The following HADHB variants were observed in gnomAD, a reference collection of about 807,000 sequenced individuals.
The protein encoded by HADHB is trifunctional enzyme subunit beta, mitochondrial.
HADHB carries 50 observed loss-of-function variants against 61.9 expected under a neutral mutation model. That is an observed-to-expected ratio of 0.81 (90% CI 0.64 to 1.02). The LOEUF is 1.02. HADHB is among the 50% of genes least tolerant of loss of function. The pLI, the probability that HADHB is intolerant of heterozygous loss-of-function variation, is 0.00. For synonymous variants in HADHB, 191 were observed against 201.6 expected, an observed-to-expected ratio of 0.95 and a Z score of 0.45; for missense variants, 504 against 586.5, an observed-to-expected ratio of 0.86 and a Z score of 1.45.
chr2:26,269,792 A>G (rs548725514), intron 4 of HADHB, among the ~76,000 whole-genome samples, 161 bp from the exon 5 acceptor site: 2 of 152,328 alleles, frequency 1.3e-5, no homozygotes, highest in South Asian at 4.1e-4. Flanking sequence ...TAGCGAAGTC[A>G]CACTATTTCT....
chr2:26,270,063 T>C, intron 5 of HADHB, 66 bp downstream of exon 5: 1 of 1,014,858 alleles, frequency 9.9e-7, no homozygotes, highest in South Asian at 1.3e-5. Context: ...TTTTTACACA[T>C]AAAATAGCAA....
At chr2:26,273,525 A>ATATC (rs1343726972) in intron 5 of HADHB, 126 bp from the exon 6 acceptor site, 1 of 686,050 alleles carries the variant, frequency 1.5e-6, no homozygotes, top group Non-Finnish European at 2.7e-6. Context: ...ATTAAAGAAA[A>ATATC]GATACAGTCT....
intron 6 of HADHB, among the ~76,000 whole-genome samples, chr2:26,276,715 A>G (rs1292603417): frequency 6.6e-6 from 1 of 152,202 alleles, no homozygotes; most frequent in Non-Finnish European, 1.5e-5. Context: ...ACTGTCTTTA[A>G]TAGGTTCTTT....
Position 26,263,405 on chromosome 2 carries a change from G to A in HADHB, c.135G>A (p.Thr45=), listed in dbSNP as rs574464531. ...CTGTCCAGACCAAAACGAAGAAGAC[G>A]TTAGCCAAACCCAATATAAGGAATG... ...APAVQTKTKK[T]LAKPNIRNVV... The change falls in exon 4 of 16, where the codon ACG becomes ACA. Residue 45 remains threonine, a synonymous_variant. Transcript: ENST00000317799. 4.2e-4 allele frequency: 672 copies of A among 1,612,470 alleles called. 5 individuals carry two copies. The South Asian group carries it at 6.7e-3, about 16-fold the overall frequency.
At chr2:26,265,151 A>G (rs1672024413) in intron 4 of HADHB, among the ~76,000 whole-genome samples, 1 of 152,244 alleles carries the variant, frequency 6.6e-6, no homozygotes, top group Non-Finnish European at 1.5e-5. Context: ...AGGCTTTAGC[A>G]GCAGGAAGAA....
Position 26,280,012 on chromosome 2 carries a change from A to G in HADHB, c.830A>G (p.Lys277Arg), listed in dbSNP as rs57969630. The G allele has an allele frequency of 1.5e-3, 2,401 of 1,609,410 alleles. 17 individuals carry two copies. In the African/African-American group the frequency reaches 0.021, roughly 14 times the overall value. The change falls in exon 10 of 16, where the codon AAA becomes AGA. Residue 277 changes from lysine (K) to arginine (R), a missense_variant. Transcript: ENST00000317799. ...FKVPGKDTVT[K>R]DNGIRPSSLE... ...TTAATAGGAAAAGATACAGTTACCAAAGATAATGGCATCCGTCCTTCCTCA... is the reference window on the plus strand; with the variant it reads ...TTAATAGGAAAAGATACAGTTACCAGAGATAATGGCATCCGTCCTTCCTCA...
rs1329912801 is a variant in HADHB, at chr2:26,273,247, G to GAACTAAAATTTAACATAAAAAAAA, written c.255-403_255-402insACTAAAATTTAACATAAAAAAAAA. 2.5e-3 allele frequency among the ~76,000 whole-genome samples: 384 copies of GAACTAAAATTTAACATAAAAAAAA among 152,020 alleles called. 3 individuals are homozygous for GAACTAAAATTTAACATAAAAAAAA. Among genetic ancestry groups the GAACTAAAATTTAACATAAAAAAAA allele is most frequent in the African/African-American group, 8.9e-3 (369 of 41,426 alleles). On this transcript the variant is annotated intron_variant, in intron 5 of 15. Coordinates refer to ENST00000317799, the MANE Select transcript of HADHB (RefSeq NM_000183.3). ...TCAAACTAAAATTTAACATACCCAG[G>GAACTAAAATTTAACATAAAAAAAA]ACTTCTTTTTTTTTAATTTTTTTTA... is the stretch of plus-strand genomic sequence containing the variant.
At chr2:26,287,268 C>G (rs962783622) in intron 15 of HADHB, among the ~76,000 whole-genome samples, 1 of 152,188 alleles carries the variant, frequency 6.6e-6, no homozygotes, top group African/African-American at 2.4e-5. Context: ...TCCTCAGAGA[C>G]TTTGCAGAAA....
At chr2:26,257,151 C>T (rs990566644) in intron 3 of HADHB, among the ~76,000 whole-genome samples, 6 of 143,308 alleles carry the variant, frequency 4.2e-5, no homozygotes, top group African/African-American at 1.6e-4. Flanking sequence ...GACAGAGTCT[C>T]GTGCTGTCGC....
intron 3 of HADHB, chr2:26,254,775 C>G (rs1671541156): frequency 2.8e-6 from 1 of 358,856 alleles, no homozygotes; most frequent in East Asian, 6.1e-5. Context: ...TGCTGTCCGT[C>G]CTGGAGGTGA....
At chr2:26,266,724 A>C (rs183280260) in intron 4 of HADHB, among the ~76,000 whole-genome samples, 1 of 151,436 alleles carries the variant, frequency 6.6e-6, no homozygotes, top group Admixed American at 6.6e-5. Context: ...TACTAAAAAT[A>C]CAAAAATTAG....
At chr2:26,283,569 G>C (rs1672892692) in intron 12 of HADHB, among the ~76,000 whole-genome samples, 1 of 151,924 alleles carries the variant, frequency 6.6e-6, no homozygotes, top group Admixed American at 6.6e-5. Context: ...CTTTCCATTG[G>C]TATATCATGT....
In HADHB at chr2:26,280,107, T is replaced by C; in HGVS notation, c.925T>C (p.Ser309Pro). The C allele has an allele frequency of 6.2e-7, 1 of 1,612,480 alleles. No homozygotes were observed. Among genetic ancestry groups the C allele is most frequent in the Non-Finnish European group, 8.5e-7 (1 of 1,178,508 alleles). ...CGGCACAGTGACAGCTGCAAATTCT[T>C]CTTTCTTGGTAACTGTCAATGTTAT... ...PYGTVTAANS[S>P]FLTDGASAML... is the part of the protein sequence containing the mutation. Residue 309 changes from serine (S) to proline (P), a missense_variant, in exon 10 of 16, where the codon TCT (serine) becomes CCT (proline). Physicochemically the swap from Ser to Pro is moderately conservative, Grantham distance 74 (BLOSUM62 -1). Transcript: ENST00000317799.
chr2:26,267,640 C>A (rs1043514648), intron 4 of HADHB, among the ~76,000 whole-genome samples: 2 of 151,450 alleles, frequency 1.3e-5, no homozygotes, highest in Non-Finnish European at 2.9e-5. Flanking sequence ...GATTTGGTGG[C>A]AGGCGCCTAT....
chr2:26,280,378 G>A (rs1390832574), intron 10 of HADHB, among the ~76,000 whole-genome samples: 1 of 152,034 alleles, frequency 6.6e-6, no homozygotes, highest in South Asian at 2.1e-4. Flanking sequence ...ATTGCTTATG[G>A]TGGGCCCTGG....
At chr2:26,271,827 G>C (rs35656275) in intron 5 of HADHB, among the ~76,000 whole-genome samples, 26,745 of 152,114 alleles carry the variant, frequency 0.18, 2,769 homozygotes, top group Middle Eastern at 0.26. Flanking sequence ...TTCAGCTCAG[G>C]AGTTGAAGGT....
chr2:26,266,164 G>T (rs975341786), intron 4 of HADHB, among the ~76,000 whole-genome samples: 5 of 152,082 alleles, frequency 3.3e-5, no homozygotes, highest in Admixed American at 3.3e-4. Flanking sequence ...TACTTGGGAG[G>T]CTGGGGCGGG....
chr2:26,253,376 C>T (rs1311883717), intron 1 of HADHB, among the ~76,000 whole-genome samples: 4 of 152,196 alleles, frequency 2.6e-5, no homozygotes, highest in Non-Finnish European at 4.4e-5. Context: ...TTCACCATCC[C>T]TATTTAGTGT....
chr2:26,270,118 T>A (rs920269202), intron 5 of HADHB, 121 bp downstream of exon 5: 2 of 758,480 alleles, frequency 2.6e-6, no homozygotes, highest in Non-Finnish European at 4.8e-6. Flanking sequence ...TTTAAGCAGC[T>A]TATGAATATT....
Sources: gnomAD v4.1 joint callset for allele counts (sites outside exome capture counted in the v4.1 genomes callset) on GRCh38, gnomAD v4.1.1 for gene constraint, MANE v1.5 for transcripts, NCBI Gene and HGNC (gene_info 2026-07-23, HGNC 2026-07-21) for gene names.